SSUH2: variants seen among roughly 807,000 people sequenced by gnomAD.
The protein encoded by SSUH2 is ssu-2 homolog.
A neutral mutation model predicts 55.3 loss-of-function variants in SSUH2; 47 were observed. That is an observed-to-expected ratio of 0.85 (90% confidence interval 0.67 to 1.08). The LOEUF (loss-of-function observed/expected upper bound fraction) is 1.08, where lower values mean the gene tolerates loss of function less well. Among genes scored for constraint, SSUH2 ranks in the 50% least tolerant of loss-of-function variants. The pLI is 0.00. For missense variants in SSUH2, 535 were observed against 490.7 expected (o/e 1.09, Z -0.85); for synonymous variants, 212 against 191.5 (o/e 1.11, Z -0.89).
chr3:8,640,439 T>G (rs1026280985), intron 1 of SSUH2, among the ~76,000 whole-genome samples: 3 of 152,114 alleles, frequency 2.0e-5, no homozygotes, highest in African/African-American at 7.2e-5. Flanking sequence ...CACAGCTAAA[T>G]CCAAGCTCCT....
upstream of SSUH2, chr3:8,644,826 C>T (rs79091389): frequency 6.5e-3 from 8,907 of 1,379,306 alleles, 398 homozygotes; most frequent in African/African-American, 0.1. Context: ...CTCTGATGGA[C>T]CACCCTCAGG....
rs189511632 is a variant in SSUH2, at chr3:8,631,068, G to C, written c.401-139C>G. 94 of 891,972 alleles carry C rather than the reference G, an allele frequency of 1.1e-4. No homozygotes were observed. In the African/African-American group the frequency reaches 1.5e-3, roughly 14 times the overall value. The allele number at this position is 891,972 out of a possible 1,614,324, so 55.3% of individuals were successfully genotyped here. On this transcript the variant is annotated intron_variant, in intron 5 of 11. Transcript: ENST00000544814. ...TGGGGCTACAGGGATGGATAGTCAAGGCCTTCCTTGGAGGCAGTGACTAAG... is the reference window on the plus strand; with the variant it reads ...TGGGGCTACAGGGATGGATAGTCAACGCCTTCCTTGGAGGCAGTGACTAAG...
At chr3:8,625,888 T>G (rs1697426593) in intron 9 of SSUH2, among the ~76,000 whole-genome samples, 1 of 152,204 alleles carries the variant, frequency 6.6e-6, no homozygotes. Flanking sequence ...GCAAGGTGCC[T>G]GAGACAGGAG....
chr3:8,633,898 G>A lies in SSUH2; in HGVS notation c.210-103C>T, dbSNP rs116434336. On this transcript the variant is annotated intron_variant, in intron 3 of 11. Transcript: ENST00000544814. Reference sequence around the variant, plus strand: ...CGTGCAGGCGAGAAACTGAGGCCACGGTAGTGGTAAAGCCCTCAGCAGTCC... The same window carrying A: ...CGTGCAGGCGAGAAACTGAGGCCACAGTAGTGGTAAAGCCCTCAGCAGTCC... 1,220 of 1,613,986 alleles carry A rather than the reference G, an allele frequency of 7.6e-4. 7 individuals are homozygous for A. The African/African-American group carries it at 0.014, about 19-fold the overall frequency.
intron 7 of SSUH2, among the ~76,000 whole-genome samples, chr3:8,628,516 G>T (rs187249579): frequency 1.3e-5 from 2 of 152,336 alleles, no homozygotes; most frequent in African/African-American, 4.8e-5. Flanking sequence ...CCCAGAGTGG[G>T]ACCTCATTTA....
intron 10 of SSUH2, among the ~76,000 whole-genome samples, chr3:8,625,193 C>G (rs1697269169): frequency 6.6e-6 from 1 of 151,090 alleles, no homozygotes. Flanking sequence ...GGAGGAGGGT[C>G]TCAAGATTTG....
rs142076068 is a variant in SSUH2 at position 8,680,541 on chromosome 3, G to A, written c.-1045-692C>T. Among the ~76,000 whole-genome samples the A allele has an allele frequency of 5.0e-3, 768 of 152,142 alleles. 5 individuals carry two copies. Among genetic ancestry groups the A allele is most frequent in the Non-Finnish European group, 8.3e-3 (563 of 67,968 alleles). ...GGGTGTTTCTACTCCCTGCGATATC[G>A]TGTGTTATATCCTCCTCTCCCACGC... On this transcript the variant is annotated intron_variant, in intron 1 of 18. Transcript: ENST00000317371.
chr3:8,678,972 G>T (rs1705699727), intron 2 of SSUH2, among the ~76,000 whole-genome samples: 1 of 104,202 alleles, frequency 9.6e-6, no homozygotes, highest in Non-Finnish European at 2.3e-5. Flanking sequence ...CCATCGCAGG[G>T]CGGAGAGTCA....
intron 7 of SSUH2, among the ~76,000 whole-genome samples, chr3:8,656,159 G>A (rs1415372202): frequency 6.6e-6 from 1 of 152,162 alleles, no homozygotes; most frequent in East Asian, 1.9e-4. Context: ...ATCTCAAACA[G>A]AACACACAAC....
chr3:8,677,787 GC>G (rs1213107583), intron 2 of SSUH2, among the ~76,000 whole-genome samples: 1 of 150,286 alleles, frequency 6.7e-6, no homozygotes, highest in Non-Finnish European at 1.5e-5. Flanking sequence ...GAACATAAAG[GC>G]CCCCCATGCT....
At chr3:8,621,689 G>C (rs568254849) in intron 11 of SSUH2, among the ~76,000 whole-genome samples, 2 of 152,210 alleles carry the variant, frequency 1.3e-5, no homozygotes, top group East Asian at 3.9e-4. Flanking sequence ...ATAAGACCCC[G>C]GTGACTGAGT....
chr3:8,631,043 T>C (rs764316483), intron 5 of SSUH2, 114 bp from the exon 6 acceptor site: 31 of 1,136,902 alleles, frequency 2.7e-5, no homozygotes, highest in Non-Finnish European at 3.3e-5. Flanking sequence ...GTCTAGATCC[T>C]GGGGCTACAG....
At chr3:8,664,269 G>T (rs1039746821) in intron 5 of SSUH2, among the ~76,000 whole-genome samples, 1 of 152,208 alleles carries the variant, frequency 6.6e-6, no homozygotes, top group African/African-American at 2.4e-5. Context: ...AGCAACTTCA[G>T]GTCATTGAAT....
At position 8,623,696 on chromosome 3, in the gene SSUH2, G is replaced by A. The variant is rs373700888; in HGVS notation, c.874-40C>T. The A allele has an allele frequency of 2.4e-5, 26 of 1,098,660 alleles. No homozygotes were observed. In the East Asian group the frequency reaches 5.4e-4, roughly 23 times the overall value. 68.1% of individuals were successfully genotyped at this position (1,098,660 alleles called of 1,614,324 possible). ...GAGAGACACAGACCACCTGGCTGCCGCACCTGGAGCCTTGGAAGTCACTGG... is the reference window on the plus strand; with the variant it reads ...GAGAGACACAGACCACCTGGCTGCCACACCTGGAGCCTTGGAAGTCACTGG... On this transcript the variant is annotated intron_variant, in intron 10 of 11. Transcript: ENST00000544814.
At position 8,666,736 on chromosome 3, in the gene SSUH2, C is replaced by T. The variant is rs184113098; in HGVS notation, c.-454-2934G>A. Among the ~76,000 whole-genome samples, 59 of 152,280 alleles carry T rather than the reference C, an allele frequency of 3.9e-4. 1 individual carries two copies. The East Asian group carries it at 9.3e-3, about 24-fold the overall frequency. On this transcript the variant is annotated intron_variant, in intron 5 of 18. Coordinates refer to the SSUH2 transcript ENST00000317371. ...ATTTACCCGGGCATAACGTCAGATC[C>T]CACAGGTTGAATACTCAGTCCCCAA...
intron 5 of SSUH2, among the ~76,000 whole-genome samples, chr3:8,667,003 T>C (rs928134626): frequency 2.0e-5 from 3 of 152,150 alleles, no homozygotes; most frequent in Non-Finnish European, 2.9e-5. Context: ...AATCCCAAAA[T>C]TGGAGTTCAG....
At chr3:8,641,665 C>T (rs1341594646) in intron 1 of SSUH2, among the ~76,000 whole-genome samples, 2 of 152,242 alleles carry the variant, frequency 1.3e-5, no homozygotes, top group African/African-American at 2.4e-5. Flanking sequence ...GAGGCCAGGG[C>T]TAACCTAGCT....
intron 3 of SSUH2, among the ~76,000 whole-genome samples, chr3:8,674,261 T>G (rs558891420): frequency 1.2e-4 from 18 of 152,162 alleles, no homozygotes; most frequent in African/African-American, 3.9e-4. Flanking sequence ...GCTGTCAGGG[T>G]TTGCAGCGTA....
intron 9 of SSUH2, 73 bp downstream of exon 9, chr3:8,626,156 C>T: frequency 8.0e-7 from 1 of 1,249,768 alleles, no homozygotes; most frequent in South Asian, 1.3e-5. Flanking sequence ...CACAGTTTCT[C>T]TGCAGAAGCC....
Sources: gnomAD v4.1 joint callset for allele counts (sites outside exome capture counted in the v4.1 genomes callset) on GRCh38, gnomAD v4.1.1 for gene constraint, MANE v1.5 for transcripts, NCBI Gene and HGNC (gene_info 2026-07-23, HGNC 2026-07-21) for gene names.